The following FAM13A variants were observed in gnomAD, a reference collection of about 807,000 sequenced individuals.
FAM13A encodes the protein protein FAM13A.
FAM13A carries 76 observed loss-of-function variants against 129.6 expected under a neutral mutation model. The ratio of observed to expected loss-of-function variants is 0.59; its 90% CI spans 0.49 to 0.71. FAM13A has a LOEUF of 0.71. Ranked by LOEUF, FAM13A falls within the 30% of genes least tolerant of loss-of-function variation. The pLI, the probability that FAM13A is intolerant of heterozygous loss-of-function variation, is 0.00. For synonymous variants in FAM13A, 443 were observed against 449.9 expected, an observed-to-expected ratio of 0.98 and a Z score of 0.20; for missense variants, 1,108 against 1,249.3, an observed-to-expected ratio of 0.89 and a Z score of 1.70.
At chr4:88,879,561 T>C (rs1347127068) in intron 6 of FAM13A, among the ~76,000 whole-genome samples, 1 of 152,138 alleles carries the variant, frequency 6.6e-6, no homozygotes, top group Admixed American at 6.5e-5. Flanking sequence ...CCATCCTTCC[T>C]TCTAGGCACA....
intron 11 of FAM13A, among the ~76,000 whole-genome samples, chr4:88,779,759 A>T (rs1022641718): frequency 9.2e-5 from 14 of 152,294 alleles, no homozygotes; most frequent in African/African-American, 2.6e-4. Flanking sequence ...CTAAGGAGTA[A>T]ATGTACTTTT....
chr4:88,964,914 T>C lies in FAM13A; in HGVS notation c.605+26059A>G, dbSNP rs1263886424. ...AAGTGCTGGGATTACAGGCGTGAGA[T>C]ACCGCGCCCGGCCCACTCTGCTCTT... On this transcript the variant is annotated intron_variant, in intron 4 of 23. Transcript: ENST00000264344. Among the ~76,000 whole-genome samples the C allele has an allele frequency of 3.9e-5, 6 of 152,044 alleles. No individual in the cohort carries two copies. The East Asian group carries it at 7.7e-4, about 20-fold the overall frequency.
intron 4 of FAM13A, among the ~76,000 whole-genome samples, chr4:88,987,594 C>T (rs1479510113): frequency 1.3e-5 from 2 of 152,022 alleles, no homozygotes; most frequent in African/African-American, 2.4e-5. Flanking sequence ...GTGGCCCACG[C>T]TTGTAATCCC....
At chr4:88,729,247 G>A (rs1365224130) in intron 23 of FAM13A, 1 of 152,372 alleles carries the variant, frequency 6.6e-6, no homozygotes, top group East Asian at 1.9e-4. Context: ...CCTGTGCTAA[G>A]TACTTTGTAC....
rs150542688 is a variant in FAM13A at position 88,849,083 on chromosome 4, G to C, written c.1007+1937C>G. Among the ~76,000 whole-genome samples the C allele has an allele frequency of 1.3e-3, 199 of 152,276 alleles. 1 individual carries two copies. The highest frequency in any genetic ancestry group is 4.6e-3 in the African/African-American group (191 of 41,552). ...TTGAATTGTATTTTATGTTTCTCAA[G>C]AGAAGCGCCTGAATCTTATTTATGA... On this transcript the variant is annotated intron_variant, in intron 7 of 23. Coordinates refer to ENST00000264344, the MANE Select transcript of FAM13A (RefSeq NM_014883.4).
At chr4:89,016,998 C>T (rs538637920) in intron 3 of FAM13A, among the ~76,000 whole-genome samples, 2 of 152,262 alleles carry the variant, frequency 1.3e-5, no homozygotes, top group South Asian at 4.1e-4. Flanking sequence ...ATTACAACTG[C>T]CTACAGTATT....
At chr4:88,938,295 G>T in intron 4 of FAM13A, 54 bp from the exon 5 acceptor site, 4 of 1,382,364 alleles carry the variant, frequency 2.9e-6, no homozygotes, top group Non-Finnish European at 4.0e-6. Context: ...AACAGTGCCT[G>T]CTAGCTGACT....
At chr4:88,829,625 A>G (rs1733556753) in intron 7 of FAM13A, among the ~76,000 whole-genome samples, 2 of 152,352 alleles carry the variant, frequency 1.3e-5, no homozygotes, top group Admixed American at 6.5e-5. Flanking sequence ...GCTCTTGAGT[A>G]AACTAGTTTT....
Position 88,737,895 on chromosome 4 carries a change from A to G in FAM13A, c.2563-340T>C, listed in dbSNP as rs144733542. ...TTAACCACAAGAACACTTCGGCTGT[A>G]GTCAGCTAAGGAGAATCACATAAGC... On this transcript the variant is annotated intron_variant, in intron 20 of 23. Transcript: ENST00000264344. Among the ~76,000 whole-genome samples, 296 of 152,298 alleles carry G rather than the reference A, an allele frequency of 1.9e-3. 4 individuals are homozygous for G. Among genetic ancestry groups the G allele is most frequent in the Admixed American group, 3.1e-3 (48 of 15,296 alleles).
At position 89,057,112 on chromosome 4, in the gene FAM13A, T is replaced by G. The variant is rs114209546; in HGVS notation, c.-148A>C. ...GCCCCAAGGTAAGCGAAGAGCAGCT[T>G]CTAACATTTTAGGAAGAGTGGTTTT... On this transcript the variant is annotated 5_prime_UTR_variant, in exon 1 of 24. Transcript: ENST00000264344. The G allele has an allele frequency of 3.3e-3, 4,781 of 1,462,578 alleles. 11 individuals carry two copies. Among genetic ancestry groups the G allele is most frequent in the Non-Finnish European group, 3.4e-3 (3,753 of 1,109,540 alleles). The allele number at this position is 1,462,578 out of a possible 1,614,324, so 90.6% of individuals were successfully genotyped here.
chr4:88,826,467 A>G (rs1733010663), intron 7 of FAM13A, among the ~76,000 whole-genome samples: 1 of 152,214 alleles, frequency 6.6e-6, no homozygotes, highest in African/African-American at 2.4e-5. Context: ...AGAAAATCTC[A>G]TAACTTGGTA....
intron 5 of FAM13A, chr4:88,937,570 T>C (rs1021732809): frequency 6.5e-6 from 1 of 153,600 alleles, no homozygotes; most frequent in Non-Finnish European, 1.4e-5. Context: ...GATAGTATTG[T>C]CAAGGACTCC....
At chr4:88,836,235 ATAT>A (rs1734779852) in intron 7 of FAM13A, among the ~76,000 whole-genome samples, 1 of 152,208 alleles carries the variant, frequency 6.6e-6, no homozygotes, top group Non-Finnish European at 1.5e-5. Context: ...ATTTTATGTT[ATAT>A]ATACATTACC....
intron 5 of FAM13A, among the ~76,000 whole-genome samples, chr4:88,927,433 C>CT (rs36056529): frequency 0.2 from 27,690 of 136,478 alleles, 2,850 homozygotes; most frequent in African/African-American, 0.25. Context: ...ATTTGGATGT[C>CT]TTTTTTTTTT....
intron 15 of FAM13A, 113 bp from the exon 16 acceptor site, chr4:88,750,022 C>T (rs990298224): frequency 1.6e-5 from 17 of 1,057,554 alleles, no homozygotes; most frequent in East Asian, 1.5e-4. Context: ...GGGGGCAGTG[C>T]GGAGACAAAA....
intron 8 of FAM13A, among the ~76,000 whole-genome samples, chr4:88,801,001 G>T (rs2149723646): frequency 6.6e-6 from 1 of 151,764 alleles, no homozygotes; most frequent in East Asian, 1.9e-4. Flanking sequence ...TGCTTCTTAA[G>T]GAGAAAAACA....
At chr4:88,806,505 G>A (rs1870339) in intron 7 of FAM13A, among the ~76,000 whole-genome samples, 1 of 151,938 alleles carries the variant, frequency 6.6e-6, no homozygotes. Context: ...AAACAAAATC[G>A]TGTCCTGGAA....
intron 1 of FAM13A, among the ~76,000 whole-genome samples, chr4:89,035,470 G>GA (rs1769263878): frequency 7.2e-6 from 1 of 139,640 alleles, no homozygotes; most frequent in Non-Finnish European, 1.6e-5. Context: ...AGAAAGAAAA[G>GA]AAAAGAAAGG....
intron 7 of FAM13A, among the ~76,000 whole-genome samples, chr4:88,816,097 T>A (rs1286015319): frequency 1.3e-5 from 2 of 152,128 alleles, no homozygotes; most frequent in Non-Finnish European, 2.9e-5. Flanking sequence ...ATCCTCTCTA[T>A]CATTATATAA....
Sources: allele counts gnomAD v4.1 joint callset (sites outside exome capture counted in the v4.1 genomes callset), GRCh38; gene constraint gnomAD v4.1.1; transcripts MANE v1.5; gene names NCBI Gene and HGNC (gene_info 2026-07-23, HGNC 2026-07-21).